The following GRM1 variants were observed in gnomAD, a reference collection of about 807,000 sequenced individuals.
The protein encoded by GRM1 is glutamate metabotropic receptor 1.
GRM1 carries 33 observed loss-of-function variants against 90.9 expected under a neutral mutation model. The ratio of observed to expected loss-of-function variants is 0.36; its 90% CI spans 0.28 to 0.49. The LOEUF is 0.49. Ranked by LOEUF, GRM1 falls within the 20% of genes least tolerant of loss-of-function variation. The probability of loss-of-function intolerance (pLI) is 0.99; values close to 1 mark genes in which losing one functional copy is unlikely to be tolerated. For synonymous variants in GRM1, 700 were observed against 613.2 expected, an observed-to-expected ratio of 1.14 and a Z score of -2.09; for missense variants, 1,190 against 1,534.3, an observed-to-expected ratio of 0.78 and a Z score of 3.75.
intron 2 of GRM1, among the ~76,000 whole-genome samples, chr6:146,255,423 C>G (rs1781443443): frequency 6.6e-6 from 1 of 152,100 alleles, no homozygotes; most frequent in African/African-American, 2.4e-5. Context: ...GATCCCCTAT[C>G]CCATTTCCTA....
chr6:146,294,368 A>T (rs1783102081), intron 2 of GRM1, among the ~76,000 whole-genome samples: 2 of 151,914 alleles, frequency 1.3e-5, no homozygotes, highest in South Asian at 2.1e-4. Context: ...TTTAGTTTCC[A>T]AGTAGTTGGA....
intron 2 of GRM1, among the ~76,000 whole-genome samples, chr6:146,202,748 T>C (rs1318823872): frequency 6.6e-6 from 1 of 152,152 alleles, no homozygotes; most frequent in Non-Finnish European, 1.5e-5. Context: ...GTTTCTGAGT[T>C]GAGATTCTCG....
chr6:146,240,050 G>A (rs762203966), intron 2 of GRM1, among the ~76,000 whole-genome samples: 1 of 152,088 alleles, frequency 6.6e-6, no homozygotes, highest in Non-Finnish European at 1.5e-5. Context: ...GATGTCTGGG[G>A]AAACTTAATG....
At chr6:146,199,111 G>A (rs932714247) in intron 2 of GRM1, among the ~76,000 whole-genome samples, 2 of 152,140 alleles carry the variant, frequency 1.3e-5, no homozygotes, top group African/African-American at 2.4e-5. Flanking sequence ...GTTACCATTG[G>A]ACAATTTTTG....
chr6:146,255,977 G>A lies in GRM1; in HGVS notation c.951-48634G>A, dbSNP rs145055805. ...GTTTCCTTGTTGTGACACTATTCTG[G>A]TGCTTTGACTCAAGCTGTATCCTAA... is the stretch of plus-strand genomic sequence containing the variant. On this transcript the variant is annotated intron_variant, in intron 2 of 7. Transcript: ENST00000282753. Among the ~76,000 whole-genome samples the A allele has an allele frequency of 4.9e-3, 753 of 152,188 alleles. 4 individuals carry two copies. The highest frequency in any genetic ancestry group is 0.017 in the African/African-American group (704 of 41,518).
intron 2 of GRM1, among the ~76,000 whole-genome samples, chr6:146,201,035 T>C (rs1388327383): frequency 6.6e-6 from 1 of 152,176 alleles, no homozygotes; most frequent in East Asian, 1.9e-4. Flanking sequence ...CCACCAGAGA[T>C]CTGAGTGGTG....
intron 2 of GRM1, among the ~76,000 whole-genome samples, chr6:146,298,792 A>G (rs768253703): frequency 1.6e-4 from 24 of 152,216 alleles, no homozygotes; most frequent in Admixed American, 4.6e-4. Context: ...GAAGTGACTC[A>G]TTAATCTAGG....
intron 1 of GRM1, among the ~76,000 whole-genome samples, chr6:146,122,054 T>C (rs1274896352): frequency 6.6e-6 from 1 of 152,190 alleles, no homozygotes; most frequent in Non-Finnish European, 1.5e-5. Context: ...CCATTATTAT[T>C]GTGTGGGAGT....
intron 3 of GRM1, among the ~76,000 whole-genome samples, chr6:146,319,754 G>T (rs1034445300): frequency 6.6e-6 from 1 of 152,086 alleles, no homozygotes; most frequent in Non-Finnish European, 1.5e-5. Context: ...CTCATGATTT[G>T]GCTCTCTGTT....
At chr6:146,129,865 A>T (rs1776329268) in intron 1 of GRM1, among the ~76,000 whole-genome samples, 1 of 152,042 alleles carries the variant, frequency 6.6e-6, no homozygotes, top group Non-Finnish European at 1.5e-5. Flanking sequence ...GTGTGTCCTG[A>T]GCCTGGACTC....
intron 2 of GRM1, among the ~76,000 whole-genome samples, chr6:146,240,846 C>A (rs1780832070): frequency 6.6e-6 from 1 of 152,032 alleles, no homozygotes; most frequent in African/African-American, 2.4e-5. Context: ...GTCTTCCTTG[C>A]CAGGAATTTA....
At chr6:146,293,264 T>C (rs1197452400) in intron 2 of GRM1, among the ~76,000 whole-genome samples, 2 of 152,008 alleles carry the variant, frequency 1.3e-5, no homozygotes, top group Non-Finnish European at 1.5e-5. Flanking sequence ...ATGGTTGATG[T>C]TATGTAAATT....
At chr6:146,170,908 T>C (rs1778095392) in intron 2 of GRM1, among the ~76,000 whole-genome samples, 1 of 152,220 alleles carries the variant, frequency 6.6e-6, no homozygotes, top group Admixed American at 6.5e-5. Context: ...ATACTAATCC[T>C]GTTCCTCTTC....
intron 1 of GRM1, among the ~76,000 whole-genome samples, chr6:146,107,851 TC>T (rs1775379666): frequency 6.6e-6 from 1 of 152,192 alleles, no homozygotes; most frequent in African/African-American, 2.4e-5. Flanking sequence ...TATAGTTCTC[TC>T]TTTTTGATTC....
intron 1 of GRM1, among the ~76,000 whole-genome samples, chr6:146,152,580 C>G (rs143123260): frequency 1.8e-3 from 277 of 152,146 alleles, no homozygotes; most frequent in African/African-American, 6.0e-3. Flanking sequence ...AGTTACTTAA[C>G]TTCTTTGAGC....
intron 1 of GRM1, among the ~76,000 whole-genome samples, chr6:146,035,015 G>A (rs1790838411): frequency 6.6e-6 from 1 of 151,846 alleles, no homozygotes; most frequent in South Asian, 2.1e-4. Context: ...TTCAATTGTA[G>A]GGAACTGAAA....
intron 3 of GRM1, among the ~76,000 whole-genome samples, chr6:146,308,765 T>C (rs530555511): frequency 2.0e-5 from 3 of 152,260 alleles, no homozygotes; most frequent in Non-Finnish European, 4.4e-5. Context: ...TGTTAAAATT[T>C]TGGCATGTTT....
At chr6:146,185,239 T>C (rs541975410) in intron 2 of GRM1, among the ~76,000 whole-genome samples, 2 of 152,320 alleles carry the variant, frequency 1.3e-5, no homozygotes, top group African/African-American at 4.8e-5. Context: ...CCTCTCACAG[T>C]CCAATATACG....
chr6:146,206,733 T>C (rs574142674), intron 2 of GRM1, among the ~76,000 whole-genome samples: 3 of 152,204 alleles, frequency 2.0e-5, no homozygotes, highest in Non-Finnish European at 4.4e-5. Flanking sequence ...ACCCAGGTAT[T>C]AACCCCAGTA....
Sources: gnomAD v4.1 joint callset for allele counts (sites outside exome capture counted in the v4.1 genomes callset) on GRCh38, gnomAD v4.1.1 for gene constraint, MANE v1.5 for transcripts, NCBI Gene and HGNC (gene_info 2026-07-23, HGNC 2026-07-21) for gene names.